DIS3L: variants seen among roughly 807,000 people sequenced by gnomAD.
The protein encoded by DIS3L is DIS3 like exosome 3'-5' exoribonuclease.
In DIS3L, 100 loss-of-function variants were observed where a neutral mutation model predicts 120.3. That is an observed-to-expected ratio of 0.83 (90% CI 0.71 to 0.98). The LOEUF (loss-of-function observed/expected upper bound fraction) is 0.98, where lower values mean the gene tolerates loss of function less well. Among genes scored for constraint, DIS3L ranks in the 50% least tolerant of loss-of-function variants. The pLI is 0.00. For missense variants in DIS3L, 1,196 were observed against 1,314.2 expected (o/e 0.91, Z 1.39); for synonymous variants, 426 against 470.6 (o/e 0.91, Z 1.23).
chr15:66,315,775 T>C (rs2092811130), intron 7 of DIS3L, among the ~76,000 whole-genome samples: 1 of 152,218 alleles, frequency 6.6e-6, no homozygotes, highest in Admixed American at 6.5e-5. Flanking sequence ...TCTGCTGGTC[T>C]CTCATGCCTG....
intron 2 of DIS3L, among the ~76,000 whole-genome samples, chr15:66,295,649 A>G (rs1453316622): frequency 2.0e-5 from 3 of 152,362 alleles, no homozygotes; most frequent in East Asian, 3.9e-4. Flanking sequence ...ACTACCAGCC[A>G]TAGTCATTGT....
chr15:66,320,435 C>A, intron 8 of DIS3L, 136 bp from the exon 9 acceptor site: 1 of 883,018 alleles, frequency 1.1e-6, no homozygotes, highest in African/African-American at 1.7e-5. Context: ...AAAAAAAACC[C>A]TACCATACAC....
At chr15:66,293,350 C>A, upstream of DIS3L, 1 of 549,504 alleles carries the variant, frequency 1.8e-6, no homozygotes, top group South Asian at 8.0e-5. Flanking sequence ...TCATCCTAGT[C>A]TTCCCTCCGT....
intron 2 of DIS3L, among the ~76,000 whole-genome samples, chr15:66,299,727 A>G (rs2092627071): frequency 6.6e-6 from 1 of 152,152 alleles, no homozygotes; most frequent in Non-Finnish European, 1.5e-5. Flanking sequence ...GTGTATAACT[A>G]AGAGAATTGA....
chr15:66,318,762 C>A, intron 8 of DIS3L, 144 bp downstream of exon 8: 1 of 925,582 alleles, frequency 1.1e-6, no homozygotes, highest in South Asian at 1.9e-5. Context: ...TTCCAAGATA[C>A]TGGGATGTGT....
intron 2 of DIS3L, among the ~76,000 whole-genome samples, chr15:66,300,164 T>C (rs2092632713): frequency 6.6e-6 from 1 of 152,218 alleles, no homozygotes; most frequent in Admixed American, 6.5e-5. Flanking sequence ...TTGATTATGG[T>C]TAAGCAAAAT....
In DIS3L at chr15:66,326,311, C is replaced by T; in HGVS notation, c.2148C>T (p.Phe716=). 1 of 1,614,108 alleles carries T rather than the reference C, an allele frequency of 6.2e-7. No individual in the cohort carries two copies. The highest frequency in any genetic ancestry group is 8.5e-7 in the Non-Finnish European group (1 of 1,180,030). ...LRQHPPPHQE[F]FSELRECAKA... ...AGCACCCTCCTCCACACCAGGAGTT[C>T]TTTTCAGAACTCCGGGAATGTGCTA... The change falls in exon 12 of 17, where the codon TTC becomes TTT. Residue 716 remains phenylalanine, a synonymous_variant. Coordinates refer to ENST00000319212, the MANE Select transcript of DIS3L (RefSeq NM_001143688.3).
chr15:66,331,738 G>C, intron 14 of DIS3L, 137 bp from the exon 15 acceptor site: 1 of 974,542 alleles, frequency 1.0e-6, no homozygotes, highest in South Asian at 3.2e-5. Context: ...CCCACAAAAA[G>C]TAATTTAATT....
At chr15:66,326,821 A>G (rs1351871696) in intron 12 of DIS3L, among the ~76,000 whole-genome samples, 1 of 151,266 alleles carries the variant, frequency 6.6e-6, no homozygotes, top group Non-Finnish European at 1.5e-5. Flanking sequence ...ACCTCAAGTG[A>G]TCCACCTGCC....
chr15:66,293,545 G>T, upstream of DIS3L: 1 of 1,369,886 alleles, frequency 7.3e-7, no homozygotes. Context: ...CGAGGCCGCG[G>T]CCTTGCCTCC....
chr15:66,314,834 A>G, intron 6 of DIS3L: 1 of 479,022 alleles, frequency 2.1e-6, no homozygotes, highest in Non-Finnish European at 3.7e-6. Context: ...GGCACTTATG[A>G]AATCTCAATA....
At chr15:66,293,954 C>T (rs2092554018) in intron 1 of DIS3L, 2 of 995,048 alleles carry the variant, frequency 2.0e-6, no homozygotes, top group Non-Finnish European at 2.4e-6. Flanking sequence ...TCCCTTACTG[C>T]TCCGCCCTGT....
At position 66,293,754 on chromosome 15, in the gene DIS3L, G is replaced by GCGGGGA. The variant is rs1385109780; in HGVS notation, c.139+25_139+30dup. The GCGGGGA allele has an allele frequency of 4.1e-4, 492 of 1,187,664 alleles. No individual in the cohort carries two copies. The African/African-American group carries it at 7.4e-3, about 18-fold the overall frequency. 73.6% of individuals were successfully genotyped at this position (1,187,664 alleles called of 1,614,324 possible). A position where few individuals can be genotyped will look rare whatever the true frequency, so the allele number is the denominator to read the frequency against. On this transcript the variant is annotated intron_variant, in intron 1 of 16. Transcript: ENST00000319212. ...AGCCACGGTCAGGGCCGGGGCGGGG[G>GCGGGGA]CGGGGACGGGGCCGGCGGGAGCGGG...
intron 4 of DIS3L, 149 bp downstream of exon 4, chr15:66,308,993 C>G (rs2092729001): frequency 1.3e-6 from 1 of 742,934 alleles, no homozygotes; most frequent in South Asian, 3.4e-5. Context: ...GCCTGTAATC[C>G]CAGCACTTGG....
Position 66,322,876 on chromosome 15 carries a change from G to A in DIS3L, c.1516G>A (p.Ala506Thr), listed in dbSNP as rs534667822. 17 of 1,614,146 alleles carry A rather than the reference G, an allele frequency of 1.1e-5. No homozygotes were observed. In the East Asian group the frequency reaches 2.9e-4, roughly 28 times the overall value. ...CAACCTGGAACTTGGGGTCCACATC[G>A]CAGATGTAACACACTTTGTGGCACC... ...NGNLELGVHIADVTHFVAPNS... is the reference protein window; with the variant it reads ...NGNLELGVHITDVTHFVAPNS... The change falls in exon 10 of 17, where the codon GCA (alanine) becomes ACA (threonine). Residue 506 changes from alanine to threonine, a missense_variant. Coordinates refer to ENST00000319212, the MANE Select transcript of DIS3L (RefSeq NM_001143688.3).
Position 66,333,114 on chromosome 15 carries a change from C to T in DIS3L, c.2967C>T (p.Ser989=), listed in dbSNP as rs1249301969. ...ATACAGAACTTATTCATCAGAGTTCCCCCTTGCTGAAGAGTGAGTTAGTGA... is the reference window on the plus strand; with the variant it reads ...ATACAGAACTTATTCATCAGAGTTCTCCCTTGCTGAAGAGTGAGTTAGTGA... The part of the protein sequence containing the change: ...IPNTELIHQS[S]PLLKSELVKE... Residue 989 remains serine, a synonymous_variant, in exon 17 of 17, where the codon TCC becomes TCT. Coordinates refer to ENST00000319212, the MANE Select transcript of DIS3L (RefSeq NM_001143688.3). 2 of 1,613,354 alleles carry T rather than the reference C, an allele frequency of 1.2e-6. No individual in the cohort carries two copies. The highest frequency in any genetic ancestry group is 8.5e-7 in the Non-Finnish European group (1 of 1,180,012).
chr15:66,293,797 T>A (rs912153453), intron 1 of DIS3L, 62 bp downstream of exon 1: 1 of 1,106,750 alleles, frequency 9.0e-7, no homozygotes. Context: ...AGTGAGGGGC[T>A]GAGCGCGGCC....
intron 11 of DIS3L, 121 bp downstream of exon 11, chr15:66,323,706 C>A: frequency 9.8e-7 from 1 of 1,017,600 alleles, no homozygotes; most frequent in Non-Finnish European, 1.5e-6. Context: ...TGTCTCCCCT[C>A]TGACCTCTCA....
At chr15:66,304,998 CTTTTT>C (rs1283384329) in intron 2 of DIS3L, among the ~76,000 whole-genome samples, 1 of 105,062 alleles carries the variant, frequency 9.5e-6, no homozygotes, top group Non-Finnish European at 1.9e-5. Flanking sequence ...AAATCGATTT[CTTTTT>C]TTTTTTTTTT....
Sources: gnomAD v4.1 joint callset for allele counts (sites outside exome capture counted in the v4.1 genomes callset) on GRCh38, gnomAD v4.1.1 for gene constraint, MANE v1.5 for transcripts, NCBI Gene and HGNC (gene_info 2026-07-23, HGNC 2026-07-21) for gene names.